Variants in GRM5 observed in about 807,000 individuals in gnomAD.
The protein encoded by GRM5 is glutamate metabotropic receptor 5, also known as metabotropic glutamate receptor 5.
Under a neutral mutation model 83.1 loss-of-function variants are expected in GRM5, and 19 were observed. The ratio of observed to expected loss-of-function variants is 0.23; its 90% confidence interval spans 0.16 to 0.34. The LOEUF (loss-of-function observed/expected upper bound fraction) is 0.34. Among genes scored for constraint, GRM5 ranks in the 10% least tolerant of loss-of-function variants. The probability of loss-of-function intolerance (pLI) is 1.00; values close to 1 mark genes in which losing one functional copy is unlikely to be tolerated. For synonymous variants in GRM5, 675 were observed against 633.6 expected (o/e 1.07, Z -0.98); for missense variants, 1,160 against 1,588.3 (o/e 0.73, Z 4.58).
At chr11:88,682,860 T>C (rs1940529151) in intron 3 of GRM5, among the ~76,000 whole-genome samples, 1 of 152,106 alleles carries the variant, frequency 6.6e-6, no homozygotes, top group Admixed American at 6.6e-5. Flanking sequence ...CATTCTTTCT[T>C]TTTTTCTTTG....
chr11:88,550,886 C>T (rs1942492504), intron 8 of GRM5, among the ~76,000 whole-genome samples: 1 of 152,154 alleles, frequency 6.6e-6, no homozygotes, highest in South Asian at 2.1e-4. Context: ...ACTCTAGAGA[C>T]AAACTGCTTA....
chr11:88,989,819 C>G (rs533243986), intron 2 of GRM5, among the ~76,000 whole-genome samples: 4 of 151,194 alleles, frequency 2.6e-5, no homozygotes, highest in African/African-American at 9.7e-5. Context: ...CCAACGAGAA[C>G]AAAGACACAA....
chr11:88,653,208 C>A lies in GRM5; in HGVS notation c.1107G>T (p.Gly369=). Residue 369 remains glycine, a synonymous_variant, in exon 4 of 10, where the codon GGG becomes GGT. Coordinates refer to ENST00000305447, the MANE Select transcript of GRM5 (RefSeq NM_001143831.3). ...WQHRFQCRLE[G]FPQENSKYNK... ...TGTATTTGCTGTTCTCCTGTGGAAA[C>A]CCTTCCAGTCGGCACTGAAAACGAT... 1.2e-6 allele frequency: 2 copies of A among 1,612,296 alleles called. No individual in the cohort carries two copies. Among genetic ancestry groups the A allele is most frequent in the Non-Finnish European group, 1.7e-6 (2 of 1,178,672 alleles).
rs546038974 is a variant in GRM5 at position 88,786,462 on chromosome 11, T to A, written c.911+63444A>T. 5.9e-5 allele frequency among the ~76,000 whole-genome samples: 9 copies of A among 152,248 alleles called. No individual in the cohort carries two copies. The South Asian group carries it at 1.9e-3, about 32-fold the overall frequency. Reference sequence around the variant, plus strand: ...GCCAAAGTGCTTATAGTTCTTACATTAACCAATCTACTCTCTTTAGCTTTT... The same window carrying A: ...GCCAAAGTGCTTATAGTTCTTACATAAACCAATCTACTCTCTTTAGCTTTT... On this transcript the variant is annotated intron_variant, in intron 3 of 9. Coordinates refer to ENST00000305447, the MANE Select transcript of GRM5 (RefSeq NM_001143831.3).
At chr11:88,780,578 A>C (rs1942954995) in intron 3 of GRM5, among the ~76,000 whole-genome samples, 1 of 152,262 alleles carries the variant, frequency 6.6e-6, no homozygotes, top group Admixed American at 6.5e-5. Flanking sequence ...GGTAATATTC[A>C]GATGAAAGTT....
intron 3 of GRM5, among the ~76,000 whole-genome samples, chr11:88,737,294 G>C (rs748182209): frequency 1.3e-5 from 2 of 152,072 alleles, no homozygotes; most frequent in Non-Finnish European, 2.9e-5. Context: ...AGAGGTAAGA[G>C]TTGAATTGTC....
At chr11:88,607,591 A>G (rs1938192153) in intron 4 of GRM5, among the ~76,000 whole-genome samples, 1 of 152,240 alleles carries the variant, frequency 6.6e-6, no homozygotes. Flanking sequence ...TACTAAAAGT[A>G]AAAGCCAAAG....
intron 2 of GRM5, among the ~76,000 whole-genome samples, chr11:88,857,126 T>G (rs1455315974): frequency 6.6e-6 from 1 of 152,076 alleles, no homozygotes; most frequent in African/African-American, 2.4e-5. Flanking sequence ...TTGGTCAAAA[T>G]TTGAAATATT....
At chr11:88,637,108 T>A (rs1391684513) in intron 4 of GRM5, among the ~76,000 whole-genome samples, 1 of 152,142 alleles carries the variant, frequency 6.6e-6, no homozygotes, top group African/African-American at 2.4e-5. Context: ...GGTAGCTTGA[T>A]GGGGATGGCA....
At chr11:88,893,530 G>A (rs950954757) in intron 2 of GRM5, among the ~76,000 whole-genome samples, 1 of 152,032 alleles carries the variant, frequency 6.6e-6, no homozygotes, top group African/African-American at 2.4e-5. Flanking sequence ...TTACAGGAAA[G>A]ATTTAGCCAA....
At chr11:88,995,180 C>A (rs1940139519) in intron 2 of GRM5, among the ~76,000 whole-genome samples, 3 of 152,140 alleles carry the variant, frequency 2.0e-5, no homozygotes, top group African/African-American at 7.2e-5. Flanking sequence ...ATAGCATCCA[C>A]ATGTAACAAG....
intron 3 of GRM5, among the ~76,000 whole-genome samples, chr11:88,681,977 G>A (rs922188765): frequency 9.9e-5 from 15 of 152,006 alleles, no homozygotes; most frequent in East Asian, 5.8e-4. Flanking sequence ...TGTAGCCACC[G>A]ACTATACTAC....
chr11:88,621,616 A>G (rs1246668143), intron 4 of GRM5, among the ~76,000 whole-genome samples: 1 of 152,224 alleles, frequency 6.6e-6, no homozygotes, highest in African/African-American at 2.4e-5. Flanking sequence ...TAGTATATTT[A>G]CATAATTAAC....
rs142269086 is a variant in GRM5, at chr11:88,698,352, A to G, written c.912-44949T>C. On this transcript the variant is annotated intron_variant, in intron 3 of 9. Coordinates refer to ENST00000305447, the MANE Select transcript of GRM5 (RefSeq NM_001143831.3). Reference sequence around the variant, plus strand: ...ATGTCCTCTTCTACCAAGGCTTCTCAGCATGTATTGTTTCCTCTGCCTGAA... The same window carrying G: ...ATGTCCTCTTCTACCAAGGCTTCTCGGCATGTATTGTTTCCTCTGCCTGAA... Among the ~76,000 whole-genome samples, 149 of 152,318 alleles carry G rather than the reference A, an allele frequency of 9.8e-4. 1 individual carries two copies. Among genetic ancestry groups the G allele is most frequent in the Non-Finnish European group, 1.7e-3 (119 of 68,024 alleles).
chr11:88,563,286 C>T (rs1023055073), intron 8 of GRM5, among the ~76,000 whole-genome samples: 2 of 152,116 alleles, frequency 1.3e-5, no homozygotes, highest in Admixed American at 6.6e-5. Context: ...GGTGTGGTTC[C>T]AAAGCCAGAA....
intron 2 of GRM5, among the ~76,000 whole-genome samples, chr11:88,978,043 A>G (rs1939397432): frequency 6.6e-6 from 1 of 152,106 alleles, no homozygotes; most frequent in South Asian, 2.1e-4. Flanking sequence ...AAAACTGCGC[A>G]TTTTCATTTG....
intron 4 of GRM5, among the ~76,000 whole-genome samples, chr11:88,623,783 G>A (rs1301304530): frequency 6.6e-6 from 1 of 152,120 alleles, no homozygotes; most frequent in Non-Finnish European, 1.5e-5. Flanking sequence ...TAAAAGCAGA[G>A]TTTCCTGCTG....
intron 3 of GRM5, among the ~76,000 whole-genome samples, chr11:88,739,548 T>C (rs1941987721): frequency 6.6e-6 from 1 of 152,050 alleles, no homozygotes. Context: ...CAAAATCTCG[T>C]CTTGAATTGT....
At chr11:88,766,524 C>T (rs371006040) in intron 3 of GRM5, among the ~76,000 whole-genome samples, 1 of 143,666 alleles carries the variant, frequency 7.0e-6, no homozygotes, top group Non-Finnish European at 1.5e-5. Flanking sequence ...GAAACTAGAA[C>T]CCTACTTTAC....
Sources: gnomAD v4.1 joint callset for allele counts (sites outside exome capture counted in the v4.1 genomes callset) on GRCh38, gnomAD v4.1.1 for gene constraint, MANE v1.5 for transcripts, NCBI Gene and HGNC (gene_info 2026-07-23, HGNC 2026-07-21) for gene names.